FER1L6: variants seen among roughly 807,000 people sequenced by gnomAD.
FER1L6 encodes fer-1-like protein 6.
In FER1L6, 177 loss-of-function variants were observed where a neutral mutation model predicts 219.2. The ratio of observed to expected loss-of-function variants is 0.81; its 90% CI spans 0.71 to 0.91. FER1L6 has a LOEUF of 0.91. Ranked by LOEUF, FER1L6 falls within the 40% of genes least tolerant of loss-of-function variation. The probability of loss-of-function intolerance (pLI) is 0.00; values close to 1 mark genes in which losing one functional copy is unlikely to be tolerated. For missense variants in FER1L6, 2,153 were observed against 2,259.9 expected (o/e 0.95, Z 0.96); for synonymous variants, 768 against 824.3 (o/e 0.93, Z 1.17).
chr8:123,948,017 G>T (rs1017658335), intron 1 of FER1L6, among the ~76,000 whole-genome samples: 1 of 152,204 alleles, frequency 6.6e-6, no homozygotes, highest in Admixed American at 6.5e-5. Flanking sequence ...ATCAGGTGCT[G>T]TGTTGGTGAA....
intron 19 of FER1L6, among the ~76,000 whole-genome samples, chr8:124,039,290 A>C (rs998523195): frequency 1.3e-5 from 2 of 152,134 alleles, no homozygotes; most frequent in Non-Finnish European, 2.9e-5. Context: ...GCTCAGAATG[A>C]CCCTGGCTGG....
chr8:123,904,224 T>TGTGTGTG (rs1812910195), intron 1 of FER1L6, among the ~76,000 whole-genome samples: 4 of 139,396 alleles, frequency 2.9e-5, no homozygotes, highest in South Asian at 2.4e-4. Context: ...CTCTGTATAT[T>TGTGTGTG]TGTGTGTGTG....
intron 12 of FER1L6, among the ~76,000 whole-genome samples, chr8:123,995,324 A>T (rs1200368118): frequency 6.6e-6 from 1 of 152,050 alleles, no homozygotes; most frequent in Admixed American, 6.6e-5. Context: ...TTGTGAGGAG[A>T]CTTTTTATTA....
intron 6 of FER1L6, among the ~76,000 whole-genome samples, chr8:123,971,008 A>G (rs1314694217): frequency 6.6e-6 from 1 of 152,196 alleles, no homozygotes; most frequent in Non-Finnish European, 1.5e-5. Context: ...CTAAGAGGAT[A>G]CAGTTCCTAC....
intron 12 of FER1L6, among the ~76,000 whole-genome samples, chr8:123,997,172 A>C (rs1331157209): frequency 1.3e-5 from 2 of 152,104 alleles, no homozygotes; most frequent in Admixed American, 6.5e-5. Flanking sequence ...AACTTCCTTT[A>C]GCATGTCTTT....
chr8:123,905,976 A>T (rs79158474), intron 1 of FER1L6, among the ~76,000 whole-genome samples: 3,113 of 152,302 alleles, frequency 0.02, 43 homozygotes, highest in Non-Finnish European at 0.031. Flanking sequence ...CAGAAATCAG[A>T]CAGGAACCAA....
rs375045375 is a variant in FER1L6 at position 123,975,911 on chromosome 8, C to T, written c.697C>T (p.Pro233Ser). The T allele has an allele frequency of 8.1e-6, 13 of 1,597,378 alleles. No individual in the cohort carries two copies. The highest frequency in any genetic ancestry group is 1.3e-5 in the African/African-American group (1 of 74,334). ...TCTCCCTCTAAGGAACCTTTTGATC[C>T]CCAATGGGTTTCCACTGGAGAGACC... Reference protein sequence around the residue: ...EEPIEKNLLIPNGFPLERPWA... With the variant: ...EEPIEKNLLISNGFPLERPWA... Residue 233 changes from proline (P) to serine (S), a missense_variant, in exon 9 of 41, where the codon CCC becomes TCC. Pro to Ser is a moderately conservative substitution (Grantham distance 74). Coordinates refer to ENST00000522917, the MANE Select transcript of FER1L6 (RefSeq NM_001039112.2).
At chr8:123,976,365 G>C (rs182672450) in intron 9 of FER1L6, among the ~76,000 whole-genome samples, 3 of 152,018 alleles carry the variant, frequency 2.0e-5, no homozygotes, top group African/African-American at 4.8e-5. Flanking sequence ...TTAGCTGGGC[G>C]TGGGCGTGGT....
At position 124,119,835 on chromosome 8, in the gene FER1L6, T is replaced by C. The variant is rs1586370817; in HGVS notation, c.*45T>C. 1 of 1,590,820 alleles carries C rather than the reference T, an allele frequency of 6.3e-7. No individual in the cohort carries two copies. Among genetic ancestry groups the C allele is most frequent in the East Asian group, 2.2e-5 (1 of 44,802 alleles). Reference sequence around the variant, plus strand: ...ATCCTCGCCATATACTAATCCTCTCTTCCTTATCTGGGAGCATCTAAGAAC... The same window carrying C: ...ATCCTCGCCATATACTAATCCTCTCCTCCTTATCTGGGAGCATCTAAGAAC... On this transcript the variant is annotated 3_prime_UTR_variant, in exon 41 of 41. Transcript: ENST00000522917.
chr8:123,950,434 C>T (rs964203681), intron 1 of FER1L6, among the ~76,000 whole-genome samples: 1 of 152,144 alleles, frequency 6.6e-6, no homozygotes, highest in Non-Finnish European at 1.5e-5. Flanking sequence ...GCCTTGCCCT[C>T]TTGCCATTTT....
chr8:123,934,562 G>C (rs1430357654), intron 1 of FER1L6, among the ~76,000 whole-genome samples: 2 of 151,680 alleles, frequency 1.3e-5, no homozygotes, highest in African/African-American at 4.8e-5. Context: ...AGAAGCACTT[G>C]GATGGTATGT....
chr8:123,922,702 T>C (rs1813406324), intron 1 of FER1L6, among the ~76,000 whole-genome samples: 1 of 152,206 alleles, frequency 6.6e-6, no homozygotes, highest in African/African-American at 2.4e-5. Flanking sequence ...TCTGGACTCT[T>C]AAGGTTCACA....
intron 1 of FER1L6, among the ~76,000 whole-genome samples, chr8:123,901,402 T>A (rs1363102911): frequency 6.6e-6 from 1 of 152,186 alleles, no homozygotes; most frequent in Non-Finnish European, 1.5e-5. Context: ...ATTTTCTTGG[T>A]TAATCTTGCT....
chr8:123,898,160 GT>G (rs1812777265), intron 1 of FER1L6, among the ~76,000 whole-genome samples: 1 of 152,050 alleles, frequency 6.6e-6, no homozygotes, highest in Non-Finnish European at 1.5e-5. Flanking sequence ...TATTATATAT[GT>G]TTTAACAGAT....
rs1268222008 is a variant in FER1L6, at chr8:123,973,064, G to A, written c.448-370G>A. On this transcript the variant is annotated intron_variant, in intron 6 of 40. Transcript: ENST00000522917. ...GTGAGCAAAGTTGCAGGAGTTTAGCGGAGAAAAGGAACACTTTCAGTTTGG... is the reference window on the plus strand; with the variant it reads ...GTGAGCAAAGTTGCAGGAGTTTAGCAGAGAAAAGGAACACTTTCAGTTTGG... Among the ~76,000 whole-genome samples the A allele has an allele frequency of 2.6e-5, 4 of 152,296 alleles. No homozygotes were observed. In the South Asian group the frequency reaches 6.2e-4, roughly 24 times the overall value.
intron 12 of FER1L6, among the ~76,000 whole-genome samples, chr8:124,001,676 A>T (rs1817416752): frequency 6.6e-6 from 1 of 152,222 alleles, no homozygotes; most frequent in Non-Finnish European, 1.5e-5. Context: ...ATGAACTGGA[A>T]TGAACTGGGA....
At chr8:123,991,067 A>G (rs537438842) in intron 12 of FER1L6, among the ~76,000 whole-genome samples, 6 of 152,282 alleles carry the variant, frequency 3.9e-5, no homozygotes, top group Non-Finnish European at 7.4e-5. Context: ...CTATTGGTCT[A>G]TGTATCTGCT....
chr8:123,977,649 T>A (rs1376084717), intron 10 of FER1L6, 40 bp downstream of exon 10: 1 of 1,592,754 alleles, frequency 6.3e-7, no homozygotes, highest in Admixed American at 1.7e-5. Flanking sequence ...TGTCTCAAAA[T>A]GCTTGCTTTA....
In FER1L6 at chr8:124,060,305, A is replaced by C. The variant is rs1423407622; in HGVS notation, c.2985+15A>C. The C allele has an allele frequency of 6.2e-7, 1 of 1,611,330 alleles. No homozygotes were observed. The highest frequency in any genetic ancestry group is 8.5e-7 in the Non-Finnish European group (1 of 1,177,428). ...ACCGAGTGGAGGTACGGGTCAGCGG[A>C]GGAGCTGAGTTGTTCTTTGGCACTC... On this transcript the variant is annotated intron_variant, in intron 23 of 40. Transcript: ENST00000522917.
Sources: gnomAD v4.1 joint callset for allele counts (sites outside exome capture counted in the v4.1 genomes callset) on GRCh38, gnomAD v4.1.1 for gene constraint, MANE v1.5 for transcripts, NCBI Gene and HGNC (gene_info 2026-07-23, HGNC 2026-07-21) for gene names.